ASTN2: variants seen among roughly 807,000 people sequenced by gnomAD.
ASTN2 encodes the protein astrotactin-2.
In ASTN2, 54 loss-of-function variants were observed where a neutral mutation model predicts 139.8. That is an observed-to-expected ratio of 0.39 (90% confidence interval 0.31 to 0.48). The LOEUF is 0.48. Ranked by LOEUF, ASTN2 falls within the 20% of genes least tolerant of loss-of-function variation. The probability of loss-of-function intolerance (pLI) is 0.95; values close to 1 mark genes in which losing one functional copy is unlikely to be tolerated. For synonymous variants in ASTN2, 756 were observed against 719.5 expected (o/e 1.05, Z -0.81); for missense variants, 1,565 against 1,725.1 (o/e 0.91, Z 1.64).
chr9:117,351,282 C>G (rs1324117345), intron 1 of ASTN2, among the ~76,000 whole-genome samples: 2 of 152,196 alleles, frequency 1.3e-5, no homozygotes, highest in Non-Finnish European at 2.9e-5. Flanking sequence ...ATTCAAACGT[C>G]TAAGCATGGC....
At chr9:116,695,370 C>T (rs1860790932) in intron 16 of ASTN2, among the ~76,000 whole-genome samples, 1 of 152,078 alleles carries the variant, frequency 6.6e-6, no homozygotes, top group Admixed American at 6.5e-5. Flanking sequence ...CCTTGCAGTA[C>T]AAAGGAAGTG....
At chr9:116,919,404 CT>C (rs1318432048) in intron 10 of ASTN2, among the ~76,000 whole-genome samples, 1 of 152,136 alleles carries the variant, frequency 6.6e-6, no homozygotes, top group African/African-American at 2.4e-5. Context: ...ACATAATTTC[CT>C]CTTACATGTC....
At chr9:116,720,891 C>G (rs1215976418) in intron 16 of ASTN2, among the ~76,000 whole-genome samples, 1 of 152,168 alleles carries the variant, frequency 6.6e-6, no homozygotes, top group Non-Finnish European at 1.5e-5. Flanking sequence ...CTCACTGAGG[C>G]CCCTCCCAAT....
chr9:117,041,196 C>T (rs1258827501), intron 5 of ASTN2, among the ~76,000 whole-genome samples: 4 of 152,064 alleles, frequency 2.6e-5, no homozygotes, highest in Non-Finnish European at 5.9e-5. Flanking sequence ...GTTTCTCATT[C>T]TTTAGGCTTT....
At chr9:117,337,116 A>C (rs1828912219) in intron 1 of ASTN2, among the ~76,000 whole-genome samples, 1 of 152,188 alleles carries the variant, frequency 6.6e-6, no homozygotes, top group African/African-American at 2.4e-5. Context: ...CATGTATGCA[A>C]ATCACACCTT....
At chr9:116,771,425 A>G (rs1028345863) in intron 13 of ASTN2, among the ~76,000 whole-genome samples, 1 of 152,170 alleles carries the variant, frequency 6.6e-6, no homozygotes, top group African/African-American at 2.4e-5. Flanking sequence ...AATCAATGGT[A>G]GTTATTCTTA....
At chr9:116,789,037 T>C (rs940609661) in intron 13 of ASTN2, among the ~76,000 whole-genome samples, 4 of 152,150 alleles carry the variant, frequency 2.6e-5, no homozygotes, top group Admixed American at 2.0e-4. Context: ...GCAAAATGCC[T>C]ATATGGTCTC....
intron 19 of ASTN2, among the ~76,000 whole-genome samples, chr9:116,494,975 T>A (rs151013087): frequency 2.6e-5 from 4 of 152,296 alleles, no homozygotes; most frequent in African/African-American, 9.6e-5. Context: ...ACTTCAGTGG[T>A]TGAAGCCTGG....
chr9:117,006,732 A>C (rs1227740660), intron 7 of ASTN2, among the ~76,000 whole-genome samples: 1 of 152,132 alleles, frequency 6.6e-6, no homozygotes, highest in East Asian at 1.9e-4. Flanking sequence ...CCTGAGGACC[A>C]CCATGCCCCC....
chr9:116,523,446 G>C (rs1397716526), intron 19 of ASTN2, among the ~76,000 whole-genome samples: 1 of 152,226 alleles, frequency 6.6e-6, no homozygotes, highest in East Asian at 1.9e-4. Context: ...CAACCTCTCA[G>C]GCTGACCTGG....
At chr9:117,385,823 A>G (rs187929531) in intron 1 of ASTN2, among the ~76,000 whole-genome samples, 1 of 152,278 alleles carries the variant, frequency 6.6e-6, no homozygotes, top group East Asian at 1.9e-4. Flanking sequence ...AGACAAAAGA[A>G]GAGAGAGAAA....
chr9:116,595,081 T>C (rs1854511785), intron 19 of ASTN2, among the ~76,000 whole-genome samples: 1 of 152,262 alleles, frequency 6.6e-6, no homozygotes, highest in Admixed American at 6.5e-5. Context: ...AATACTTCTA[T>C]GCCCTTAAGT....
At chr9:116,869,799 A>T (rs770967252) in intron 10 of ASTN2, among the ~76,000 whole-genome samples, 6 of 152,164 alleles carry the variant, frequency 3.9e-5, no homozygotes, top group Non-Finnish European at 7.3e-5. Flanking sequence ...GAATGTAGCT[A>T]TGTTTCAATA....
intron 10 of ASTN2, among the ~76,000 whole-genome samples, chr9:116,908,569 G>A (rs1834227945): frequency 6.6e-6 from 1 of 152,152 alleles, no homozygotes; most frequent in Non-Finnish European, 1.5e-5. Flanking sequence ...TTTCTTGAAA[G>A]TCTCTCGCAG....
chr9:117,135,350 A>G (rs1028686119), intron 4 of ASTN2, among the ~76,000 whole-genome samples: 1 of 152,182 alleles, frequency 6.6e-6, no homozygotes, highest in South Asian at 2.1e-4. Flanking sequence ...TTTAAATAAG[A>G]TAAAATGTGT....
Position 116,697,774 on chromosome 9 carries a change from T to C in ASTN2, c.2806+27997A>G, listed in dbSNP as rs767818381. On this transcript the variant is annotated intron_variant, in intron 16 of 22. Transcript: ENST00000313400. ...GCAGCAGCAGCTTCTCACCTGAACC[T>C]GGATGCCCTCCGGGAAGTGCTAGAA... 14 of 1,614,028 alleles carry C rather than the reference T, an allele frequency of 8.7e-6. No homozygotes were observed. The Admixed American group carries it at 2.3e-4, about 27-fold the overall frequency.
intron 2 of ASTN2, among the ~76,000 whole-genome samples, chr9:117,237,487 G>A (rs1564496978): frequency 6.6e-6 from 1 of 152,044 alleles, no homozygotes; most frequent in Non-Finnish European, 1.5e-5. Flanking sequence ...TGGAGGCTGA[G>A]TTCTTCTTTT....
At chr9:117,291,745 A>G (rs923805910) in intron 1 of ASTN2, among the ~76,000 whole-genome samples, 1 of 152,238 alleles carries the variant, frequency 6.6e-6, no homozygotes, top group Admixed American at 6.5e-5. Context: ...TTGCACCCAC[A>G]TCTGTCTGAG....
At chr9:117,307,160 A>G (rs915304829) in intron 1 of ASTN2, among the ~76,000 whole-genome samples, 3 of 152,232 alleles carry the variant, frequency 2.0e-5, no homozygotes, top group East Asian at 3.8e-4. Context: ...TTAAAGTACA[A>G]GTGTGCTCAC....
Sources: allele counts gnomAD v4.1 joint callset (sites outside exome capture counted in the v4.1 genomes callset), GRCh38; gene constraint gnomAD v4.1.1; transcripts MANE v1.5; gene names NCBI Gene and HGNC (gene_info 2026-07-23, HGNC 2026-07-21).